BAZ2B: variants seen among roughly 807,000 people sequenced by gnomAD.
The protein encoded by BAZ2B is bromodomain adjacent to zinc finger domain 2B.
BAZ2B carries 91 observed loss-of-function variants against 246.0 expected under a neutral mutation model. The ratio of observed to expected loss-of-function variants is 0.37; its 90% CI spans 0.31 to 0.44. The LOEUF (loss-of-function observed/expected upper bound fraction) is 0.44. Ranked by LOEUF, BAZ2B falls within the 20% of genes least tolerant of loss-of-function variation. BAZ2B has a pLI of 1.00. For synonymous variants in BAZ2B, 855 were observed against 860.0 expected (o/e 0.99, Z 0.10); for missense variants, 2,332 against 2,533.7 (o/e 0.92, Z 1.71).
At chr2:159,495,573 AT>A (rs2081024421) in intron 2 of BAZ2B, among the ~76,000 whole-genome samples, 3 of 150,654 alleles carry the variant, frequency 2.0e-5, no homozygotes, top group Admixed American at 2.0e-4. Context: ...AGAATCCAAT[AT>A]TAATTATAGA....
chr2:159,682,489 C>G, the BAZ2B span, among the ~76,000 whole-genome samples: 15 of 152,094 alleles, frequency 9.9e-5, no homozygotes, highest in Non-Finnish European at 1.8e-4. Context: ...CAGGCTCTTT[C>G]TATTGGCCAA....
intron 2 of BAZ2B, among the ~76,000 whole-genome samples, chr2:159,540,716 T>G (rs933831457): frequency 1.3e-5 from 2 of 152,202 alleles, no homozygotes; most frequent in East Asian, 3.9e-4. Context: ...AGCAGTTACT[T>G]AATTTCACTA....
intron 1 of BAZ2B, among the ~76,000 whole-genome samples, chr2:159,576,441 A>G (rs10929946): frequency 0.92 from 139,914 of 151,542 alleles, 65,093 homozygotes; most frequent in East Asian, 1. Flanking sequence ...AAAGCTGACC[A>G]ATACATGAAA....
At chr2:159,487,092 T>C (rs142701813) in intron 2 of BAZ2B, among the ~76,000 whole-genome samples, 17 of 152,306 alleles carry the variant, frequency 1.1e-4, no homozygotes, top group African/African-American at 4.1e-4. Context: ...ATATTTTTTC[T>C]GCTTGAATGT....
rs769203956 is a variant in BAZ2B at position 159,448,283 on chromosome 2, G to A, written c.461C>T (p.Ser154Leu). The change falls in exon 5 of 37, where the codon TCA (serine) becomes TTA (leucine). Residue 154 changes from serine to leucine, a missense_variant. Around this residue, in one of 9 missense-constraint regions of BAZ2B, gnomAD observed 242 missense variants for 237.4 expected, o/e 1.02. Coordinates refer to ENST00000392783, the MANE Select transcript of BAZ2B (RefSeq NM_013450.4). Reference protein sequence around the residue: ...AQNHDSSSFHSRTSGKSNRNG... With the variant: ...AQNHDSSSFHLRTSGKSNRNG... ...TCGATTACTTTTTCCCGAAGTCCTT[G>A]AATGGAATGAAGAAGAATCATGATT... 2 of 1,612,880 alleles carry A rather than the reference G, an allele frequency of 1.2e-6. No individual in the cohort carries two copies. The highest frequency in any genetic ancestry group is 2.2e-5 in the South Asian group (2 of 90,684).
At chr2:159,623,890 C>A in the BAZ2B span, among the ~76,000 whole-genome samples, 1 of 152,212 alleles carries the variant, frequency 6.6e-6, no homozygotes, top group Admixed American at 6.5e-5. Context: ...CAGTGGAGTA[C>A]TATGCAGTTT....
the BAZ2B span, among the ~76,000 whole-genome samples, chr2:159,711,673 CAT>C: frequency 1.0e-3 from 153 of 152,272 alleles, 1 homozygote; most frequent in East Asian, 6.2e-3. Flanking sequence ...AATATTTACA[CAT>C]AGTTAGATGT....
the BAZ2B span, among the ~76,000 whole-genome samples, chr2:159,690,876 C>CA: frequency 8.6e-6 from 1 of 116,722 alleles, no homozygotes; most frequent in Non-Finnish European, 2.0e-5. Context: ...TCTACTGATT[C>CA]CTCTTGTTTA....
chr2:159,535,852 T>C (rs2085912610), intron 2 of BAZ2B, among the ~76,000 whole-genome samples: 1 of 152,232 alleles, frequency 6.6e-6, no homozygotes, highest in South Asian at 2.1e-4. Context: ...AGGTCACTTC[T>C]GCAATTGTCT....
chr2:159,396,589 CACTT>C (rs2064058491), intron 19 of BAZ2B: 1 of 152,046 alleles, frequency 6.6e-6, no homozygotes. Flanking sequence ...ATAAAAAAAT[CACTT>C]ATTTATAATA....
chr2:159,355,105 A>T (rs1213364498), intron 27 of BAZ2B, among the ~76,000 whole-genome samples: 1 of 152,174 alleles, frequency 6.6e-6, no homozygotes, highest in African/African-American at 2.4e-5. Context: ...GTTGGACTGA[A>T]GCAAGCTAAA....
At chr2:159,594,371 C>T (rs968353265) in intron 1 of BAZ2B, among the ~76,000 whole-genome samples, 1 of 152,032 alleles carries the variant, frequency 6.6e-6, no homozygotes, top group African/African-American at 2.4e-5. Flanking sequence ...CGCGCCACCG[C>T]GCTCCAGCCT....
intron 14 of BAZ2B, 151 bp downstream of exon 14, chr2:159,412,184 G>A: frequency 2.4e-6 from 2 of 837,070 alleles, no homozygotes; most frequent in Non-Finnish European, 3.6e-6. Context: ...CCAGTTACCA[G>A]TGGGACTCCT....
chr2:159,520,559 TAA>T (rs2084019683), intron 2 of BAZ2B, among the ~76,000 whole-genome samples: 1 of 152,148 alleles, frequency 6.6e-6, no homozygotes, highest in African/African-American at 2.4e-5. Context: ...TAAATACAAA[TAA>T]ACTTACTATA....
At chr2:159,453,300 A>G (rs1363112162) in intron 4 of BAZ2B, among the ~76,000 whole-genome samples, 1 of 152,142 alleles carries the variant, frequency 6.6e-6, no homozygotes, top group Non-Finnish European at 1.5e-5. Flanking sequence ...CTACATTTAC[A>G]CTATGTATAC....
At chr2:159,530,693 G>A (rs555761390) in intron 2 of BAZ2B, among the ~76,000 whole-genome samples, 10 of 152,196 alleles carry the variant, frequency 6.6e-5, no homozygotes, top group South Asian at 2.1e-4. Flanking sequence ...AAGTAAGGCC[G>A]AGTGCAGTGG....
In BAZ2B at chr2:159,383,546, T is replaced by C. The variant is rs975602685; in HGVS notation, c.3761+60A>G. The C allele has an allele frequency of 3.6e-6, 5 of 1,397,398 alleles. No individual in the cohort carries two copies. In the African/African-American group the frequency reaches 7.1e-5, roughly 20 times the overall value. The allele number at this position is 1,397,398 out of a possible 1,614,324, so 86.6% of individuals were successfully genotyped here. On this transcript the variant is annotated intron_variant, in intron 24 of 36. Transcript: ENST00000392783. ...AATTCTATCTTTGCAATTCATATGC[T>C]TTACTGGGAATTTGTAGAAAAAGAA...
chr2:159,583,339 T>A (rs1398474763), intron 1 of BAZ2B, among the ~76,000 whole-genome samples: 2 of 152,188 alleles, frequency 1.3e-5, no homozygotes, highest in African/African-American at 2.4e-5. Context: ...GATCTAGAGC[T>A]CCTGAGCTCA....
At chr2:159,383,558 T>C in intron 24 of BAZ2B, 48 bp downstream of exon 24, 1 of 1,482,254 alleles carries the variant, frequency 6.7e-7, no homozygotes. Context: ...TACTGGGAAT[T>C]TGTAGAAAAA....
Sources: allele counts gnomAD v4.1 joint callset (sites outside exome capture counted in the v4.1 genomes callset), GRCh38; gene constraint gnomAD v4.1.1; regional missense constraint gnomAD v4.1.1; transcripts MANE v1.5; gene names NCBI Gene and HGNC (gene_info 2026-07-23, HGNC 2026-07-21).